SLC16A7: variants seen among roughly 807,000 people sequenced by gnomAD.
SLC16A7 encodes solute carrier family 16 member 7.
A neutral mutation model predicts 34.9 loss-of-function variants in SLC16A7; 33 were observed. The observed-to-expected ratio is 0.94, with a 90% confidence interval of 0.72 to 1.26. The LOEUF is 1.26. Ranked by LOEUF, SLC16A7 falls within the 50% of genes most tolerant of loss-of-function variation. The pLI, the probability that SLC16A7 is intolerant of heterozygous loss-of-function variation, is 0.00. For synonymous variants in SLC16A7, 201 were observed against 206.6 expected (o/e 0.97, Z 0.23); for missense variants, 573 against 578.1 (o/e 0.99, Z 0.09).
At chr12:59,630,635 G>T (rs1432024750) in intron 1 of SLC16A7, among the ~76,000 whole-genome samples, 1 of 152,014 alleles carries the variant, frequency 6.6e-6, no homozygotes, top group South Asian at 2.1e-4. Flanking sequence ...ATTGCACTAT[G>T]AGAAAACCTA....
At chr12:59,708,787 A>G (rs1287516086) in intron 3 of SLC16A7, among the ~76,000 whole-genome samples, 1 of 151,672 alleles carries the variant, frequency 6.6e-6, no homozygotes, top group African/African-American at 2.4e-5. Context: ...GCAAGGTATT[A>G]TCTTCCCTTC....
At chr12:59,691,201 G>A (rs1321506479) in intron 2 of SLC16A7, among the ~76,000 whole-genome samples, 1 of 151,958 alleles carries the variant, frequency 6.6e-6, no homozygotes, top group Non-Finnish European at 1.5e-5. Context: ...AAAGGAAGAA[G>A]CTGAGGAAAA....
chr12:59,671,943 ATGTGTATATATGTATATATG>A (rs1869807365), intron 2 of SLC16A7, among the ~76,000 whole-genome samples: 3 of 23,032 alleles, frequency 1.3e-4, no homozygotes, highest in African/African-American at 2.0e-4. Flanking sequence ...ATATGTATAT[ATGTGTATATATGTATATATG>A]TGTATATATC....
At chr12:59,772,681 T>C (rs915944085) in intron 4 of SLC16A7, among the ~76,000 whole-genome samples, 1 of 152,174 alleles carries the variant, frequency 6.6e-6, no homozygotes, top group African/African-American at 2.4e-5. Context: ...AACCTCCTTA[T>C]ACTTTCGTTG....
chr12:59,649,334 G>A (rs1868302221), intron 1 of SLC16A7, among the ~76,000 whole-genome samples: 2 of 152,174 alleles, frequency 1.3e-5, no homozygotes, highest in African/African-American at 2.4e-5. Context: ...GAGGGATTGC[G>A]AAAGAGGATT....
intron 3 of SLC16A7, among the ~76,000 whole-genome samples, chr12:59,756,371 A>G (rs928946787): frequency 6.6e-6 from 1 of 152,154 alleles, no homozygotes; most frequent in Non-Finnish European, 1.5e-5. Flanking sequence ...ACAAAGGGCT[A>G]ATATCCAGAA....
At chr12:59,711,706 C>T (rs1051674854) in intron 3 of SLC16A7, among the ~76,000 whole-genome samples, 3 of 152,032 alleles carry the variant, frequency 2.0e-5, no homozygotes, top group Non-Finnish European at 2.9e-5. Context: ...TTTGTACAGA[C>T]GAGGTTTTAC....
intron 1 of SLC16A7, among the ~76,000 whole-genome samples, chr12:59,628,312 G>A (rs914864287): frequency 4.6e-5 from 7 of 151,798 alleles, no homozygotes; most frequent in Admixed American, 2.0e-4. Flanking sequence ...TATTTTTAGT[G>A]TAAATTTTTG....
chr12:59,621,914 T>C (rs1172409273), intron 1 of SLC16A7, among the ~76,000 whole-genome samples: 1 of 151,844 alleles, frequency 6.6e-6, no homozygotes, highest in African/African-American at 2.4e-5. Context: ...TATTTCCTCA[T>C]ATGTTTATAA....
At chr12:59,646,181 T>TG (rs1358794802) in intron 1 of SLC16A7, among the ~76,000 whole-genome samples, 2 of 152,090 alleles carry the variant, frequency 1.3e-5, no homozygotes, top group East Asian at 3.9e-4. Flanking sequence ...ACCAAGACTG[T>TG]GGGGAAAATG....
At chr12:59,610,017 C>T (rs1341401453) in intron 1 of SLC16A7, among the ~76,000 whole-genome samples, 1 of 152,128 alleles carries the variant, frequency 6.6e-6, no homozygotes, top group Admixed American at 6.5e-5. Flanking sequence ...CTGGGCATTG[C>T]TATCTCCAAT....
At chr12:59,728,253 A>G (rs1232597493) in intron 3 of SLC16A7, among the ~76,000 whole-genome samples, 2 of 152,164 alleles carry the variant, frequency 1.3e-5, no homozygotes, top group Non-Finnish European at 2.9e-5. Flanking sequence ...CAGGTGGAAG[A>G]GCATGGGCAC....
chr12:59,698,078 G>T (rs1274030437), intron 2 of SLC16A7, among the ~76,000 whole-genome samples: 1 of 151,650 alleles, frequency 6.6e-6, no homozygotes, highest in African/African-American at 2.4e-5. Context: ...TTCATTGGGA[G>T]AATCAGGAAT....
chr12:59,775,593 T>G (rs1882684379), intron 5 of SLC16A7, 118 bp downstream of exon 5: 3 of 701,634 alleles, frequency 4.3e-6, no homozygotes, highest in East Asian at 2.7e-5. Flanking sequence ...TGAAGGAATA[T>G]GGGCAGGTTA....
chr12:59,610,648 A>G (rs1879151163), intron 1 of SLC16A7, among the ~76,000 whole-genome samples: 1 of 152,210 alleles, frequency 6.6e-6, no homozygotes, highest in African/African-American at 2.4e-5. Flanking sequence ...AACCTATTCC[A>G]GAAGAGTTAG....
chr12:59,738,831 T>A (rs75993593), intron 3 of SLC16A7, among the ~76,000 whole-genome samples: 1 of 140,212 alleles, frequency 7.1e-6, no homozygotes, highest in Non-Finnish European at 1.6e-5. Context: ...TCCTCAAAGA[T>A]TTTTTTTTTT....
At chr12:59,621,557 G>T (rs747873413) in intron 1 of SLC16A7, among the ~76,000 whole-genome samples, 6 of 151,790 alleles carry the variant, frequency 4.0e-5, no homozygotes, top group Non-Finnish European at 7.4e-5. Context: ...GAATTGCCAG[G>T]CTACTAATTG....
intron 2 of SLC16A7, among the ~76,000 whole-genome samples, chr12:59,683,157 A>G (rs1370733870): frequency 6.6e-6 from 1 of 152,226 alleles, no homozygotes; most frequent in Non-Finnish European, 1.5e-5. Context: ...AAATCTACCA[A>G]TCATTTCCAT....
chr12:59,737,932 T>G lies in SLC16A7; in HGVS notation c.217+32914T>G, dbSNP rs564614440. 2.0e-5 allele frequency among the ~76,000 whole-genome samples: 3 copies of G among 152,284 alleles called. No individual in the cohort carries two copies. The East Asian group carries it at 5.8e-4, about 29-fold the overall frequency. ...ACTAGAGTACACCACACAAAGAGCT[T>G]GTGGATTGCAGAGACTGATACTGCT... On this transcript the variant is annotated intron_variant, in intron 3 of 5. Transcript: ENST00000547379.
Sources: allele counts gnomAD v4.1 joint callset (sites outside exome capture counted in the v4.1 genomes callset), GRCh38; gene constraint gnomAD v4.1.1; transcripts MANE v1.5; gene names NCBI Gene and HGNC (gene_info 2026-07-23, HGNC 2026-07-21).